MACROD2: variants seen among roughly 807,000 people sequenced by gnomAD.
MACROD2 encodes mono-ADP ribosylhydrolase 2, also known as ADP-ribose glycohydrolase MACROD2.
Under a neutral mutation model 70.4 loss-of-function variants are expected in MACROD2, and 36 were observed. The ratio of observed to expected loss-of-function variants is 0.51; its 90% CI spans 0.39 to 0.68. The LOEUF (loss-of-function observed/expected upper bound fraction) is 0.68. Ranked by LOEUF, MACROD2 falls within the 30% of genes least tolerant of loss-of-function variation. The pLI, the probability that MACROD2 is intolerant of heterozygous loss-of-function variation, is 0.00. For missense variants in MACROD2, 496 were observed against 538.4 expected (o/e 0.92, Z 0.78); for synonymous variants, 172 against 178.8 (o/e 0.96, Z 0.30).
intron 8 of MACROD2, among the ~76,000 whole-genome samples, chr20:15,833,658 G>A (rs142957542): frequency 6.6e-4 from 100 of 152,262 alleles, no homozygotes; most frequent in African/African-American, 2.3e-3. Flanking sequence ...TCTTAAAACA[G>A]GGCTGTTGCT....
chr20:15,986,996 T>C (rs2147469801), intron 14 of MACROD2, 70 bp from the exon 15 acceptor site: 4 of 1,346,006 alleles, frequency 3.0e-6, no homozygotes, highest in Non-Finnish European at 3.1e-6. Context: ...TTCTATACCA[T>C]AGTCACAGTA....
rs1037894561 is a variant in MACROD2 at position 14,093,592 on chromosome 20, A to G, written c.271+7864A>G. Among the ~76,000 whole-genome samples the G allele has an allele frequency of 3.3e-5, 5 of 152,030 alleles. No homozygotes were observed. In the East Asian group the frequency reaches 9.6e-4, roughly 29 times the overall value. On this transcript the variant is annotated intron_variant, in intron 3 of 17. Coordinates refer to ENST00000684519, the MANE Select transcript of MACROD2 (RefSeq NM_001351661.2). ...GATGCTTGAAAATATTTTGGTACAT[A>G]TGCTTAGCTCTTTACGGTTAAACAA...
chr20:15,608,175 T>A (rs1399501336), intron 8 of MACROD2, among the ~76,000 whole-genome samples: 1 of 152,226 alleles, frequency 6.6e-6, no homozygotes, highest in Non-Finnish European at 1.5e-5. Context: ...TGCATTATTG[T>A]CACAAATTTG....
intron 4 of MACROD2, among the ~76,000 whole-genome samples, chr20:14,645,928 A>G (rs547622300): frequency 1.8e-3 from 279 of 152,058 alleles, no homozygotes; most frequent in South Asian, 3.7e-3. Context: ...TCCAGATGAA[A>G]TCAATAATAC....
At chr20:15,025,544 C>T (rs2075223621) in intron 5 of MACROD2, among the ~76,000 whole-genome samples, 1 of 147,388 alleles carries the variant, frequency 6.8e-6, no homozygotes, top group Non-Finnish European at 1.5e-5. Context: ...TCACCATCCT[C>T]AGGGGCTCCT....
intron 6 of MACROD2, among the ~76,000 whole-genome samples, chr20:15,233,979 T>A (rs6034133): frequency 0.34 from 16,316 of 47,466 alleles, 2,736 homozygotes; most frequent in African/African-American, 0.43. Context: ...TTATATATAT[T>A]TATTTATATA....
chr20:15,523,162 A>G (rs569508957), intron 8 of MACROD2, among the ~76,000 whole-genome samples: 13 of 152,324 alleles, frequency 8.5e-5, no homozygotes, highest in African/African-American at 3.1e-4. Flanking sequence ...AAGAGATTCT[A>G]CAAGAATTGC....
intron 7 of MACROD2, among the ~76,000 whole-genome samples, chr20:15,431,769 CAT>C (rs1221812369): frequency 6.6e-6 from 1 of 151,868 alleles, no homozygotes; most frequent in Non-Finnish European, 1.5e-5. Flanking sequence ...GCATAATGTA[CAT>C]AGAGTTTAGC....
At chr20:15,051,224 A>G (rs555345813) in intron 5 of MACROD2, among the ~76,000 whole-genome samples, 1 of 152,278 alleles carries the variant, frequency 6.6e-6, no homozygotes, top group Middle Eastern at 3.4e-3. Context: ...AAATGAACAG[A>G]GTCATTTTTG....
intron 8 of MACROD2, among the ~76,000 whole-genome samples, chr20:15,691,033 C>G (rs960229019): frequency 2.0e-5 from 3 of 152,164 alleles, no homozygotes; most frequent in African/African-American, 7.2e-5. Context: ...AGCAACTTCT[C>G]TGGTCAAGGT....
chr20:15,966,960 T>C (rs897377192), intron 12 of MACROD2, among the ~76,000 whole-genome samples: 1 of 152,172 alleles, frequency 6.6e-6, no homozygotes, highest in African/African-American at 2.4e-5. Context: ...TGTTTAACCA[T>C]ATCCTATAAC....
intron 5 of MACROD2, among the ~76,000 whole-genome samples, chr20:14,993,676 T>C (rs1301676922): frequency 2.0e-5 from 3 of 152,190 alleles, no homozygotes; most frequent in Non-Finnish European, 2.9e-5. Context: ...AAAAGTCACC[T>C]GTGAAACAAC....
intron 6 of MACROD2, among the ~76,000 whole-genome samples, chr20:15,424,908 T>C (rs1373122991): frequency 6.6e-6 from 1 of 152,184 alleles, no homozygotes; most frequent in Non-Finnish European, 1.5e-5. Context: ...TTCTGGCGGA[T>C]TGGCTGGGCA....
intron 3 of MACROD2, among the ~76,000 whole-genome samples, chr20:14,424,233 A>AT (rs1374395451): frequency 2.0e-5 from 3 of 152,116 alleles, no homozygotes; most frequent in Non-Finnish European, 2.9e-5. Flanking sequence ...TTGCAAGTAT[A>AT]TTTTTTGTAT....
chr20:15,793,973 A>G (rs1347703669), intron 8 of MACROD2, among the ~76,000 whole-genome samples: 6 of 149,832 alleles, frequency 4.0e-5, no homozygotes, highest in Non-Finnish European at 7.4e-5. Flanking sequence ...ATTTAAAAGA[A>G]TGAAAGAACC....
At chr20:14,765,274 T>C (rs760936110) in intron 5 of MACROD2, among the ~76,000 whole-genome samples, 2 of 152,030 alleles carry the variant, frequency 1.3e-5, no homozygotes, top group Non-Finnish European at 2.9e-5. Flanking sequence ...TTACTCTCTC[T>C]GAGGACACAC....
chr20:14,683,121 C>T lies in MACROD2; in HGVS notation c.302-1722C>T, dbSNP rs369324955. Among the ~76,000 whole-genome samples the T allele has an allele frequency of 1.2e-4, 19 of 152,210 alleles. 1 individual carries two copies. The East Asian group carries it at 2.7e-3, about 22-fold the overall frequency. On this transcript the variant is annotated intron_variant, in intron 4 of 17. Transcript: ENST00000684519. ...CTCGAACATCTGACCTCAGGTGATC[C>T]GCCCGCCTCAGCCTCCTAAAGTGCT...
intron 4 of MACROD2, among the ~76,000 whole-genome samples, chr20:14,611,459 T>G (rs1449747920): frequency 6.6e-6 from 1 of 151,396 alleles, no homozygotes; most frequent in African/African-American, 2.4e-5. Context: ...GAGGTTTTTT[T>G]TTTTTTTTTT....
At chr20:15,517,113 T>C (rs191284497) in intron 8 of MACROD2, among the ~76,000 whole-genome samples, 4 of 152,300 alleles carry the variant, frequency 2.6e-5, no homozygotes, top group African/African-American at 4.8e-5. Context: ...GAAGGATCCA[T>C]AGGTTCTGCT....
Sources: gnomAD v4.1 joint callset for allele counts (sites outside exome capture counted in the v4.1 genomes callset) on GRCh38, gnomAD v4.1.1 for gene constraint, MANE v1.5 for transcripts, NCBI Gene and HGNC (gene_info 2026-07-23, HGNC 2026-07-21) for gene names.